Variants in PLEKHM2 observed in about 807,000 individuals in gnomAD.
PLEKHM2 encodes pleckstrin homology and RUN domain containing M2.
PLEKHM2 carries 77 observed loss-of-function variants against 116.3 expected under a neutral mutation model. That is an observed-to-expected ratio of 0.66 (90% confidence interval 0.55 to 0.80). The LOEUF is 0.80. Ranked by LOEUF, PLEKHM2 falls within the 30% of genes least tolerant of loss-of-function variation. The pLI is 0.00. For missense variants in PLEKHM2, 1,183 were observed against 1,354.9 expected, an observed-to-expected ratio of 0.87 and a Z score of 1.99; for synonymous variants, 562 against 571.0, an observed-to-expected ratio of 0.98 and a Z score of 0.22.
intron 1 of PLEKHM2, among the ~76,000 whole-genome samples, chr1:15,712,679 G>C (rs548160408): frequency 2.4e-5 from 3 of 126,464 alleles, no homozygotes; most frequent in Admixed American, 8.7e-5. Flanking sequence ...ACAAGTTCTT[G>C]CTCCAGGCTG....
At position 15,730,638 on chromosome 1, in the gene PLEKHM2, T is replaced by C; in HGVS notation, c.2315T>C (p.Ile772Thr). Residue 772 changes from isoleucine (I) to threonine (T), a missense_variant, in exon 15 of 20, where the codon ATC becomes ACC. Physicochemically the swap from Ile to Thr is moderately conservative, Grantham distance 89 (BLOSUM62 -1). This residue lies in a region of PLEKHM2 where 594 missense variants were observed against 720.1 expected (regional missense o/e 0.82). Coordinates refer to ENST00000375799, the MANE Select transcript of PLEKHM2 (RefSeq NM_015164.4). ...CACTGCTCACCCCCCGAGGGCACCA[T>C]CACCAAAGAAGGCATGCTGCACTAC... ...PCHCSPPEGT[I>T]TKEGMLHYKA... The C allele has an allele frequency of 6.2e-7, 1 of 1,609,766 alleles. No individual in the cohort carries two copies.
chr1:15,729,711 C>A lies in PLEKHM2; in HGVS notation c.2076-86C>A. ...TCTCCCCCAAGTTTCTGTGACCCCT[C>A]CAGGCCAGCAGCGCTCAAGACTAAG... is the stretch of plus-strand genomic sequence containing the variant. On this transcript the variant is annotated intron_variant, in intron 13 of 19. Transcript: ENST00000375799. This position sits in a 1 kb window ranked among gnomAD's most constrained non-coding sequence, Gnocchi z 4.7. 1 of 1,284,224 alleles carries A rather than the reference C, an allele frequency of 7.8e-7. No homozygotes were observed. The highest frequency in any genetic ancestry group is 2.3e-5 in the Admixed American group (1 of 44,142). The allele number at this position is 1,284,224 out of a possible 1,614,324, so 79.6% of individuals were successfully genotyped here. A position where few individuals can be genotyped will look rare whatever the true frequency, so the allele number is the denominator to read the frequency against.
At chr1:15,718,738 G>A in intron 5 of PLEKHM2, 113 bp downstream of exon 5, 1 of 683,390 alleles carries the variant, frequency 1.5e-6, no homozygotes, top group Non-Finnish European at 2.6e-6. Flanking sequence ...TGTTGAGTAT[G>A]ACTGGGCTTG....
rs1338120125 is a variant in PLEKHM2 at position 15,727,140 on chromosome 1, C to G, written c.1068C>G (p.Gly356=). 6.3e-7 allele frequency: 1 copy of G among 1,593,594 alleles called. No individual in the cohort carries two copies. Among genetic ancestry groups the G allele is most frequent in the South Asian group, 1.1e-5 (1 of 88,472 alleles). ...AGGGGGACGGTGACAGCCGCAACGG[C>G]AGCCCAAGCCTTGGGCGGGACTCGC... ...AKQGDGDSRN[G]SPSLGRDSPD... is the part of the protein sequence containing the mutation. Residue 356 remains glycine, a synonymous_variant, in exon 9 of 20, where the codon GGC becomes GGG. Coordinates refer to ENST00000375799, the MANE Select transcript of PLEKHM2 (RefSeq NM_015164.4). This position sits in a 1 kb window ranked among gnomAD's most constrained non-coding sequence, Gnocchi z 7.5.
In PLEKHM2 at chr1:15,689,258, A is replaced by AAAT. The variant is rs1553157436; in HGVS notation, c.60+4642_60+4643insTAA. ...GAAACTCCGTCTCAAAAAAAAAAAA[A>AAAT]AAAGAAAGAAAGAAATACTGGTAGA... On this transcript the variant is annotated intron_variant, in intron 1 of 19. Transcript: ENST00000375799. Among the ~76,000 whole-genome samples, 1,236 of 151,616 alleles carry AAAT rather than the reference A, an allele frequency of 8.2e-3. 17 individuals carry two copies. The highest frequency in any genetic ancestry group is 0.029 in the African/African-American group (1,177 of 41,176).
At chr1:15,711,854 C>G (rs1202807796) in intron 1 of PLEKHM2, among the ~76,000 whole-genome samples, 1 of 151,994 alleles carries the variant, frequency 6.6e-6, no homozygotes, top group African/African-American at 2.4e-5. Context: ...CGCGGTGGCT[C>G]ACGCCTGTAA....
intron 19 of PLEKHM2, among the ~76,000 whole-genome samples, chr1:15,733,557 A>G (rs1448125385): frequency 6.6e-6 from 1 of 152,248 alleles, no homozygotes; most frequent in East Asian, 1.9e-4. Flanking sequence ...TCGCTGGGCC[A>G]TCCTGAGAGC....
In PLEKHM2 at chr1:15,727,187, C is replaced by G. The variant is rs199741495; in HGVS notation, c.1115C>G (p.Pro372Arg). 2 of 1,605,764 alleles carry G rather than the reference C, an allele frequency of 1.2e-6. No homozygotes were observed. Among genetic ancestry groups the G allele is most frequent in the African/African-American group, 1.3e-5 (1 of 74,794 alleles). Reference sequence around the variant, plus strand: ...TCGCCAGACACTATGCTTGCCTCCCCCCAGGAGGAGGGAGAGGGGCCGAGC... The same window carrying G: ...TCGCCAGACACTATGCTTGCCTCCCGCCAGGAGGAGGGAGAGGGGCCGAGC... ...RDSPDTMLAS[P>R]QEEGEGPSST... Residue 372 changes from proline (P) to arginine (R), a missense_variant, in exon 9 of 20, where the codon CCC (proline) becomes CGC (arginine). Around this residue, in one of 3 missense-constraint regions of PLEKHM2, gnomAD observed 372 missense variants for 357.2 expected, o/e 1.04. Transcript: ENST00000375799. The surrounding 1 kb of genome is among the most constrained non-coding windows in gnomAD (Gnocchi z 7.5).
rs1317307520 is a variant in PLEKHM2, at chr1:15,734,159, G to A, written c.*225G>A. On this transcript the variant is annotated 3_prime_UTR_variant, in exon 20 of 20. Transcript: ENST00000375799. Reference sequence around the variant, plus strand: ...GCCCGACAGGTAGCGAATGGAGGTCGCTGGGGGCAGAGGGTCCGAGCCCTG... The same window carrying A: ...GCCCGACAGGTAGCGAATGGAGGTCACTGGGGGCAGAGGGTCCGAGCCCTG... 4 of 564,338 alleles carry A rather than the reference G, an allele frequency of 7.1e-6. No individual in the cohort carries two copies. Among genetic ancestry groups the A allele is most frequent in the Admixed American group, 3.4e-5 (1 of 29,080 alleles). The allele number at this position is 564,338 out of a possible 1,614,324, so 35.0% of individuals were successfully genotyped here.
chr1:15,694,018 C>T (rs1283539774), intron 1 of PLEKHM2, among the ~76,000 whole-genome samples: 1 of 152,122 alleles, frequency 6.6e-6, no homozygotes, highest in Non-Finnish European at 1.5e-5. Flanking sequence ...TAGAGCTTTT[C>T]TCATGACAGA....
chr1:15,721,324 T>C lies in PLEKHM2; in HGVS notation c.653-5T>C, dbSNP rs773922799. ...AATCTTCAGTTTTGTCCCTCGTTTTTGTAGATTATGATTTTGGAGATGTGT... is the reference window on the plus strand; with the variant it reads ...AATCTTCAGTTTTGTCCCTCGTTTTCGTAGATTATGATTTTGGAGATGTGT... On this transcript the variant is annotated splice_polypyrimidine_tract_variant and splice_region_variant and intron_variant, in intron 6 of 19. Transcript: ENST00000375799. The surrounding 1 kb of genome is among the most constrained non-coding windows in gnomAD (Gnocchi z 5.1). 3 of 1,557,486 alleles carry C rather than the reference T, an allele frequency of 1.9e-6. No homozygotes were observed. The South Asian group carries it at 3.6e-5, about 18-fold the overall frequency.
rs528435940 is a variant in PLEKHM2, at chr1:15,719,323, G to T, written c.466-411G>T. On this transcript the variant is annotated intron_variant, in intron 5 of 19. Coordinates refer to ENST00000375799, the MANE Select transcript of PLEKHM2 (RefSeq NM_015164.4). The surrounding 1 kb of genome is among the most constrained non-coding windows in gnomAD (Gnocchi z 4.1). ...AAAAGTTAGCGGGGTGTGGTGATGGGCGCCTATAATCTCAGCTACTTGGGA... is the reference window on the plus strand; with the variant it reads ...AAAAGTTAGCGGGGTGTGGTGATGGTCGCCTATAATCTCAGCTACTTGGGA... 1.1e-4 allele frequency among the ~76,000 whole-genome samples: 16 copies of T among 152,256 alleles called. No homozygotes were observed. In the East Asian group the frequency reaches 2.3e-3, roughly 22 times the overall value.
chr1:15,730,660 C>T lies in PLEKHM2; in HGVS notation c.2337C>T (p.His779=). The T allele has an allele frequency of 6.2e-7, 1 of 1,610,180 alleles. No individual in the cohort carries two copies. The highest frequency in any genetic ancestry group is 8.5e-7 in the Non-Finnish European group (1 of 1,178,472). The change falls in exon 15 of 20, where the codon CAC becomes CAT. Residue 779 remains histidine (H), a synonymous_variant. Transcript: ENST00000375799. The stretch of plus-strand genomic sequence containing the variant: ...CCATCACCAAAGAAGGCATGCTGCA[C>T]TACAAGGCGGGCACCTCCTACCTGG... ...EGTITKEGML[H]YKAGTSYLGK...
chr1:15,729,154 A>T lies in PLEKHM2; in HGVS notation c.2039A>T (p.Gln680Leu), dbSNP rs1193835624. ...VKLVCTNRRK[Q>L]FLLDTADVAL... The stretch of plus-strand genomic sequence containing the variant: ...CTGGTGTGCACCAACCGCAGGAAGC[A>T]GTTTCTGCTGGACACGGCTGATGTG... The change falls in exon 13 of 20, where the codon CAG (glutamine) becomes CTG (leucine). Residue 680 changes from glutamine (Q) to leucine (L), a missense_variant. Gln to Leu is a moderately radical substitution (Grantham distance 113). Transcript: ENST00000375799. This position sits in a 1 kb window ranked among gnomAD's most constrained non-coding sequence, Gnocchi z 4.7. 1 of 1,612,120 alleles carries T rather than the reference A, an allele frequency of 6.2e-7. No individual in the cohort carries two copies. Among genetic ancestry groups the T allele is most frequent in the Admixed American group, 1.7e-5 (1 of 59,798 alleles).
upstream of PLEKHM2, among the ~76,000 whole-genome samples, chr1:15,682,203 T>A (rs1557633984): frequency 1.4e-5 from 2 of 144,986 alleles, no homozygotes; most frequent in Admixed American, 1.4e-4. Flanking sequence ...CTTTAAAAAA[T>A]AATTTAAGGC....
chr1:15,732,172 C>T, intron 17 of PLEKHM2, 124 bp downstream of exon 17: 1 of 1,010,052 alleles, frequency 9.9e-7, no homozygotes. Context: ...CAGGGGGCAG[C>T]CCAGGAATGG....
At chr1:15,713,087 C>G (rs1395890683) in intron 1 of PLEKHM2, among the ~76,000 whole-genome samples, 2 of 152,158 alleles carry the variant, frequency 1.3e-5, no homozygotes, top group Non-Finnish European at 2.9e-5. Context: ...AGGTGTGAGC[C>G]ACCACGCCTG....
chr1:15,702,919 G>T (rs1244896214), intron 1 of PLEKHM2, among the ~76,000 whole-genome samples: 1 of 151,676 alleles, frequency 6.6e-6, no homozygotes, highest in African/African-American at 2.4e-5. Context: ...CTAGAAACAG[G>T]GTCTTGCTAT....
At chr1:15,697,378 G>A (rs1275038734) in intron 1 of PLEKHM2, among the ~76,000 whole-genome samples, 4 of 152,220 alleles carry the variant, frequency 2.6e-5, no homozygotes, top group African/African-American at 4.8e-5. Context: ...ACCTTAAGAG[G>A]AGTCCTCGGT....
Sources: gnomAD v4.1 joint callset for allele counts (sites outside exome capture counted in the v4.1 genomes callset) on GRCh38, gnomAD v4.1.1 for gene constraint, gnomAD v4.1.1 regional missense constraint, Gnocchi (gnomAD v3.1) non-coding constraint, MANE v1.5 for transcripts, NCBI Gene and HGNC (gene_info 2026-07-23, HGNC 2026-07-21) for gene names.